The following GSN variants were observed in gnomAD, a reference collection of about 807,000 sequenced individuals.
The protein encoded by GSN is actin-depolymerizing factor.
Under a neutral mutation model 85.7 loss-of-function variants are expected in GSN, and 56 were observed. That is an observed-to-expected ratio of 0.65 (90% CI 0.53 to 0.82). The LOEUF (loss-of-function observed/expected upper bound fraction) is 0.82. GSN is among the 40% of genes least tolerant of loss of function. The probability of loss-of-function intolerance (pLI) is 0.00; values close to 1 mark genes in which losing one functional copy is unlikely to be tolerated. For synonymous variants in GSN, 373 were observed against 399.1 expected, an observed-to-expected ratio of 0.93 and a Z score of 0.78; for missense variants, 857 against 979.8, an observed-to-expected ratio of 0.87 and a Z score of 1.67.
At chr9:121,323,370 C>T (rs1193872285) in intron 11 of GSN, among the ~76,000 whole-genome samples, 2 of 75,114 alleles carry the variant, frequency 2.7e-5, no homozygotes, top group East Asian at 9.6e-4. Flanking sequence ...TTCCCATTAC[C>T]GTTTTTTTTT....
intron 5 of GSN, among the ~76,000 whole-genome samples, chr9:121,246,262 A>T (rs1163318363): frequency 6.6e-6 from 1 of 152,154 alleles, no homozygotes; most frequent in African/African-American, 2.4e-5. Context: ...CATAATAAAA[A>T]AGTTTTTTTT....
At chr9:121,266,918 A>G (rs1177528627), upstream of GSN, among the ~76,000 whole-genome samples, 1 of 152,190 alleles carries the variant, frequency 6.6e-6, no homozygotes, top group Non-Finnish European at 1.5e-5. Flanking sequence ...CTGCTATTCA[A>G]TGGAAAAACC....
At position 121,302,007 on chromosome 9, in the gene GSN, G is replaced by GA. The variant is rs1490099144; in HGVS notation, c.38dup (p.Glu14GlyfsTer47). ...AACACCCCGAGTTCCTCAAGGCAGGGAAGGAGCCTGGCCTGCAGATCTGGC... is the reference window on the plus strand; with the variant it reads ...AACACCCCGAGTTCCTCAAGGCAGGGAAAGGAGCCTGGCCTGCAGATCTGGC... On this transcript the variant is annotated frameshift_variant, in exon 3 of 18. Transcript: ENST00000432226. LOFTEE classifies it high-confidence loss of function. The GA allele has an allele frequency of 1.2e-6, 2 of 1,614,138 alleles. No individual in the cohort carries two copies. Among genetic ancestry groups the GA allele is most frequent in the Non-Finnish European group, 1.7e-6 (2 of 1,180,052 alleles).
chr9:121,282,426 T>C (rs2057500596), intron 2 of GSN: 2 of 1,255,778 alleles, frequency 1.6e-6, no homozygotes, highest in Non-Finnish European at 2.0e-6. Context: ...CGCCATCCCT[T>C]TTCTGCCAAA....
At chr9:121,286,825 C>G in intron 2 of GSN, 1 of 1,312,970 alleles carries the variant, frequency 7.6e-7, no homozygotes, top group Non-Finnish European at 1.1e-6. Context: ...GTCAGACAGC[C>G]CTGAATTCCT....
At chr9:121,270,805 T>C (rs1365881471) in intron 1 of GSN, among the ~76,000 whole-genome samples, 1 of 152,154 alleles carries the variant, frequency 6.6e-6, no homozygotes, top group Non-Finnish European at 1.5e-5. Context: ...ATGTGGGTCA[T>C]AGAGATGATT....
intron 2 of GSN, chr9:121,282,011 C>T (rs2057439022): frequency 2.1e-6 from 1 of 474,188 alleles, no homozygotes; most frequent in East Asian, 6.9e-5. Context: ...AGAGGAGGAG[C>T]ACCTGAGGTG....
At chr9:121,324,773 C>G (rs1589196185) in intron 12 of GSN, 129 bp downstream of exon 12, 1 of 675,584 alleles carries the variant, frequency 1.5e-6, no homozygotes, top group Non-Finnish European at 2.7e-6. Context: ...ATCCATCCAT[C>G]CATCCATCCA....
At chr9:121,300,242 C>G in intron 2 of GSN, 8 of 734,796 alleles carry the variant, frequency 1.1e-5, no homozygotes, top group South Asian at 1.1e-4. Context: ...TTCTTTTCCC[C>G]TGTCCTCCTC....
rs189613779 is a variant in GSN, at chr9:121,224,829, A to C, written c.-527-6336A>C. On this transcript the variant is annotated intron_variant, in intron 4 of 24. Transcript: ENST00000373823. ...AAAATAATAAATAAATAAATAAATA[A>C]ATTTATTGAGACAGGGTCTCACTCT... is the stretch of plus-strand genomic sequence containing the variant. Among the ~76,000 whole-genome samples, 3 of 151,632 alleles carry C rather than the reference A, an allele frequency of 2.0e-5. No individual in the cohort carries two copies. The East Asian group carries it at 5.8e-4, about 29-fold the overall frequency.
At chr9:121,217,160 G>A (rs968046405) in intron 4 of GSN, among the ~76,000 whole-genome samples, 1 of 152,070 alleles carries the variant, frequency 6.6e-6, no homozygotes, top group African/African-American at 2.4e-5. Flanking sequence ...GGTGGATCAC[G>A]AGACCAGCCT....
At chr9:121,289,425 C>T (rs749679768) in intron 2 of GSN, among the ~76,000 whole-genome samples, 10 of 152,208 alleles carry the variant, frequency 6.6e-5, no homozygotes, top group Non-Finnish European at 1.5e-4. Context: ...GTCCTCCCTC[C>T]GCTCCCCTCC....
intron 4 of GSN, chr9:121,223,074 T>C (rs1289922293): frequency 6.6e-6 from 1 of 152,100 alleles, no homozygotes; most frequent in Non-Finnish European, 1.5e-5. Context: ...CCCTTACCAG[T>C]CCGGCGTTCC....
chr9:121,206,846 C>T (rs796863369), upstream of GSN, among the ~76,000 whole-genome samples: 1 of 152,296 alleles, frequency 6.6e-6, no homozygotes, highest in South Asian at 2.1e-4. Flanking sequence ...ACCTCCCAGG[C>T]GCAGGCCACC....
upstream of GSN, among the ~76,000 whole-genome samples, chr9:121,263,888 CAAAAAA>C (rs34342246): frequency 1.4e-5 from 1 of 70,550 alleles, no homozygotes; most frequent in South Asian, 5.7e-4. Flanking sequence ...AACTCCATCT[CAAAAAA>C]AAAAAAAAAA....
chr9:121,270,795 A>G (rs1296853609), intron 1 of GSN, among the ~76,000 whole-genome samples: 2 of 152,048 alleles, frequency 1.3e-5, no homozygotes, highest in Middle Eastern at 3.2e-3. Flanking sequence ...GTCATTTGTG[A>G]TGTGGGTCAT....
chr9:121,295,604 G>A (rs1030371981), intron 2 of GSN, among the ~76,000 whole-genome samples: 9 of 152,184 alleles, frequency 5.9e-5, no homozygotes, highest in African/African-American at 2.2e-4. Flanking sequence ...GTCTCTGGTA[G>A]GGGGTCCCGC....
At chr9:121,286,645 G>A (rs1279131094) in intron 2 of GSN, 74 of 1,533,086 alleles carry the variant, frequency 4.8e-5, no homozygotes, top group Middle Eastern at 3.3e-4. Flanking sequence ...CTGTTTGTGT[G>A]CCCTCTGGGC....
rs2059497469 is a variant in GSN, at chr9:121,299,087, G to C, written c.-9-2876G>C. On this transcript the variant is annotated intron_variant, in intron 2 of 17. Transcript: ENST00000432226. This position sits in a 1 kb window ranked among gnomAD's most constrained non-coding sequence, Gnocchi z 4.2. ...GTAGATAGCAGTGGTTGCCCCTGGGGAGAGGTAAATGTGATGGAGAGGGAA... is the reference window on the plus strand; with the variant it reads ...GTAGATAGCAGTGGTTGCCCCTGGGCAGAGGTAAATGTGATGGAGAGGGAA... Among the ~76,000 whole-genome samples, 1 of 152,228 alleles carries C rather than the reference G, an allele frequency of 6.6e-6. No homozygotes were observed. The highest frequency in any genetic ancestry group is 1.5e-5 in the Non-Finnish European group (1 of 68,034).
Sources: gnomAD v4.1 joint callset for allele counts (sites outside exome capture counted in the v4.1 genomes callset) on GRCh38, gnomAD v4.1.1 for gene constraint, Gnocchi (gnomAD v3.1) non-coding constraint, MANE v1.5 for transcripts, NCBI Gene and HGNC (gene_info 2026-07-23, HGNC 2026-07-21) for gene names.